The following SLC3A1 variants were observed in gnomAD, a reference collection of about 807,000 sequenced individuals.
SLC3A1 encodes the protein amino acid transporter heavy chain SLC3A1.
Under a neutral mutation model 60.3 loss-of-function variants are expected in SLC3A1, and 78 were observed. That is an observed-to-expected ratio of 1.29 (90% CI 1.08 to 1.56). SLC3A1 has a LOEUF of 1.56. Among genes scored for constraint, SLC3A1 ranks in the 40% most tolerant of loss-of-function variants. The pLI is 0.00. For missense variants in SLC3A1, 1,172 were observed against 858.9 expected (o/e 1.36, Z -4.56); for synonymous variants, 392 against 307.9 (o/e 1.27, Z -2.86).
chr2:44,297,063 A>G (rs1056147773), intron 4 of SLC3A1, among the ~76,000 whole-genome samples: 3 of 152,118 alleles, frequency 2.0e-5, no homozygotes, highest in African/African-American at 7.2e-5. Flanking sequence ...ATGAGAACAA[A>G]CTCTAATACA....
chr2:44,304,416 C>T, intron 7 of SLC3A1, 78 bp downstream of exon 7: 1 of 1,116,438 alleles, frequency 9.0e-7, no homozygotes, highest in Non-Finnish European at 1.4e-6. Context: ...ATGCAATGGA[C>T]CTTTGTCTCT....
downstream of SLC3A1, chr2:44,322,021 G>C: frequency 6.0e-6 from 6 of 994,954 alleles, no homozygotes; most frequent in South Asian, 1.1e-4. Flanking sequence ...GGAATAAAAA[G>C]CAAAAACCAC....
intron 3 of SLC3A1, among the ~76,000 whole-genome samples, chr2:44,284,930 GTCTAATTCCTAATACAGTAATTA>G (rs1462719024): frequency 6.6e-6 from 1 of 152,078 alleles, no homozygotes; most frequent in East Asian, 1.9e-4. Flanking sequence ...ATGATGATGT[GTCTAATTCCTAATACAGTAATTA>G]TCTAATTCCT....
At chr2:44,290,478 T>C (rs999273976) in intron 4 of SLC3A1, among the ~76,000 whole-genome samples, 5 of 152,302 alleles carry the variant, frequency 3.3e-5, no homozygotes, top group Non-Finnish European at 2.9e-5. Context: ...CCTGCTGTGG[T>C]TTTGATAGGG....
intron 4 of SLC3A1, among the ~76,000 whole-genome samples, chr2:44,287,850 G>T (rs1001411965): frequency 6.6e-6 from 1 of 152,144 alleles, no homozygotes; most frequent in Non-Finnish European, 1.5e-5. Flanking sequence ...GCCAGATAGA[G>T]TGGATGCAAG....
chr2:44,307,904 CTATT>C (rs1422349555), intron 7 of SLC3A1, among the ~76,000 whole-genome samples: 2 of 152,136 alleles, frequency 1.3e-5, no homozygotes, highest in African/African-American at 2.4e-5. Flanking sequence ...ATTGCCTGGT[CTATT>C]TATTCCAGCA....
chr2:44,318,300 C>G (rs962367705), intron 9 of SLC3A1: 12 of 260,252 alleles, frequency 4.6e-5, no homozygotes, highest in East Asian at 2.7e-4. Flanking sequence ...CCATGTTGGC[C>G]AGGCTGGTCT....
rs772333438 is a variant in SLC3A1, at chr2:44,313,878, C to G, written c.1544C>G (p.Ser515Ter). 8 of 1,614,090 alleles carry G rather than the reference C, an allele frequency of 5.0e-6. No homozygotes were observed. The highest frequency in any genetic ancestry group is 1.1e-5 in the South Asian group (1 of 91,086). Residue 515 changes from serine (S) to a stop codon, truncating the protein, a stop_gained, in exon 9 of 10, where the codon TCA becomes TGA. Coordinates refer to ENST00000260649, the MANE Select transcript of SLC3A1 (RefSeq NM_000341.4). LOFTEE classifies it high-confidence loss of function. ...TCACCAATGCAGTGGGACAATAGTT[C>G]AAATGCTGGTTTTTCTGAAGCTAGT... ...SKSPMQWDNS[S>*]NAGFSEASNT...
At chr2:44,276,061 T>A in intron 1 of SLC3A1, 96 bp downstream of exon 1, 1 of 1,095,120 alleles carries the variant, frequency 9.1e-7, no homozygotes, top group Non-Finnish European at 1.4e-6. Context: ...GGTTGTTCAG[T>A]AAGCACATTC....
chr2:44,310,431 C>T, intron 7 of SLC3A1, among the ~76,000 whole-genome samples: 1 of 144,624 alleles, frequency 6.9e-6, no homozygotes, highest in Admixed American at 6.7e-5. Context: ...GTTTACAGTT[C>T]TTTCTTTCAT....
At chr2:44,298,784 C>G (rs1221979368) in intron 4 of SLC3A1, among the ~76,000 whole-genome samples, 1 of 152,126 alleles carries the variant, frequency 6.6e-6, no homozygotes, top group Non-Finnish European at 1.5e-5. Context: ...GCAGGTGAGG[C>G]AGGGGAGAGG....
chr2:44,304,048 C>T lies in SLC3A1; in HGVS notation c.1137-95C>T, dbSNP rs891701875. ...ATATGGTTAATAGTGTGCATTCAGC[C>T]CCTACATCTTGTACATGCAAGATAA... On this transcript the variant is annotated intron_variant, in intron 6 of 9. Transcript: ENST00000260649. 8.7e-6 allele frequency: 8 copies of T among 916,436 alleles called. No individual in the cohort carries two copies. The African/African-American group carries it at 1.1e-4, about 13-fold the overall frequency. 56.8% of individuals were successfully genotyped at this position (916,436 alleles called of 1,614,324 possible).
At chr2:44,298,536 C>T (rs940760126) in intron 4 of SLC3A1, among the ~76,000 whole-genome samples, 1 of 152,192 alleles carries the variant, frequency 6.6e-6, no homozygotes, top group Non-Finnish European at 1.5e-5. Context: ...TGGCTCCATG[C>T]CCAACTAATT....
intron 4 of SLC3A1, among the ~76,000 whole-genome samples, chr2:44,299,485 G>T (rs1241113100): frequency 6.6e-6 from 1 of 152,104 alleles, no homozygotes; most frequent in Non-Finnish European, 1.5e-5. Flanking sequence ...ACTCCTAGCA[G>T]GAGATCCTTT....
At position 44,304,249 on chromosome 2, in the gene SLC3A1, A is replaced by G. The variant is rs138512287; in HGVS notation, c.1243A>G (p.Met415Val). ...ADFPFNNYLS[M>V]LDTVSGNSVY... is the part of the protein sequence containing the mutation. The stretch of plus-strand genomic sequence containing the variant: ...TTTTCCCTTCAACAATTACCTCAGC[A>G]TGCTAGACACTGTTTCTGGGAACAG... The change falls in exon 7 of 10, where the codon ATG (methionine) becomes GTG (valine). Residue 415 changes from methionine (M) to valine (V), a missense_variant. Met to Val is a conservative substitution (Grantham distance 21). Transcript: ENST00000260649. The G allele has an allele frequency of 1.2e-6, 2 of 1,614,164 alleles. No homozygotes were observed. The highest frequency in any genetic ancestry group is 1.1e-5 in the South Asian group (1 of 91,090).
intron 4 of SLC3A1, among the ~76,000 whole-genome samples, chr2:44,286,874 G>A (rs1671628906): frequency 6.6e-6 from 1 of 152,080 alleles, no homozygotes; most frequent in Non-Finnish European, 1.5e-5. Flanking sequence ...GTGAGCTGCT[G>A]CAGGGAGGTG....
chr2:44,317,528 G>A (rs149934029), intron 9 of SLC3A1: 3 of 151,942 alleles, frequency 2.0e-5, no homozygotes, highest in Middle Eastern at 3.4e-3. Context: ...TGCCATATTG[G>A]ATGGCTCTGA....
intron 9 of SLC3A1, chr2:44,318,268 T>C (rs1187181527): frequency 3.8e-5 from 11 of 290,534 alleles, no homozygotes; most frequent in Non-Finnish European, 2.1e-5. Context: ...TTTCTGTATT[T>C]TTTAGTAGAG....
intron 1 of SLC3A1, among the ~76,000 whole-genome samples, chr2:44,279,174 T>C (rs1320826030): frequency 6.6e-6 from 1 of 151,940 alleles, no homozygotes; most frequent in African/African-American, 2.4e-5. Context: ...AATTTTTGTA[T>C]TTTTTAGTAG....
Sources: gnomAD v4.1 joint callset for allele counts (sites outside exome capture counted in the v4.1 genomes callset) on GRCh38, gnomAD v4.1.1 for gene constraint, MANE v1.5 for transcripts, NCBI Gene and HGNC (gene_info 2026-07-23, HGNC 2026-07-21) for gene names.